DHRSX: variants seen among roughly 807,000 people sequenced by gnomAD.
DHRSX encodes the protein dehydrogenase/reductase X-linked.
Under a neutral mutation model 34.0 loss-of-function variants are expected in DHRSX, and 31 were observed. That is an observed-to-expected ratio of 0.91 (90% CI 0.69 to 1.23). The LOEUF is 1.23. Ranked by LOEUF, DHRSX falls within the 50% of genes most tolerant of loss-of-function variation. The pLI is 0.00. For synonymous variants in DHRSX, 201 were observed against 183.8 expected (o/e 1.09, Z -0.76); for missense variants, 414 against 428.1 (o/e 0.97, Z 0.29).
intron 3 of DHRSX, among the ~76,000 whole-genome samples, chrX:2,374,965 G>A (rs1221485115): frequency 7.3e-6 from 1 of 136,770 alleles, no homozygotes; most frequent in African/African-American, 2.5e-5. Context: ...AGCTACATAG[G>A]AGGCTGAGGT....
rs769908116 is a variant in DHRSX at position 2,275,062 on chromosome X, A to G, written c.389-8115T>C. On this transcript the variant is annotated intron_variant, in intron 4 of 6. Coordinates refer to ENST00000334651, the MANE Select transcript of DHRSX (RefSeq NM_145177.3). ...TGCAGAATTGAGTACTAGTTAGACA[A>G]TCGACGGCAAATTCAAATGCCTGTA... 3.9e-4 allele frequency among the ~76,000 whole-genome samples: 59 copies of G among 152,242 alleles called. No individual in the cohort carries two copies. In the South Asian group the frequency reaches 0.012, roughly 31 times the overall value.
intron 6 of DHRSX, among the ~76,000 whole-genome samples, chrX:2,234,377 CATCCATGCACACAGCCCTG>C (rs1251606872): frequency 1.3e-5 from 2 of 151,972 alleles, no homozygotes; most frequent in South Asian, 2.1e-4. Flanking sequence ...TCCCTGCCTT[CATCCATGCACACAGCCCTG>C]ATCCATGCAC....
chrX:2,443,420 AG>A (rs1174289359), intron 1 of DHRSX, among the ~76,000 whole-genome samples: 1 of 151,998 alleles, frequency 6.6e-6, no homozygotes, highest in Non-Finnish European at 1.5e-5. Flanking sequence ...AGTCCAGTCA[AG>A]GCAGCATGCA....
At chrX:2,422,133 C>A (rs1764334084) in intron 2 of DHRSX, among the ~76,000 whole-genome samples, 2 of 152,156 alleles carry the variant, frequency 1.3e-5, no homozygotes, top group South Asian at 4.1e-4. Flanking sequence ...AGAACTGAGA[C>A]AAATTCATGT....
intron 3 of DHRSX, among the ~76,000 whole-genome samples, chrX:2,392,681 T>C (rs2124622585): frequency 6.9e-6 from 1 of 145,642 alleles, no homozygotes; most frequent in Admixed American, 6.9e-5. Context: ...ATACATAAAA[T>C]TAAACATCCA....
At chrX:2,298,601 T>TACACACACACACACACACACACAC (rs747078260) in intron 3 of DHRSX, among the ~76,000 whole-genome samples, 1 of 131,758 alleles carries the variant, frequency 7.6e-6, no homozygotes, top group African/African-American at 4.1e-5. Context: ...GGCGCGTGTG[T>TACACACACACACACACACACACAC]ACACACACAC....
At chrX:2,283,555 G>A (rs1215111958) in intron 4 of DHRSX, among the ~76,000 whole-genome samples, 2 of 152,094 alleles carry the variant, frequency 1.3e-5, no homozygotes, top group Non-Finnish European at 2.9e-5. Flanking sequence ...CACAAAGACA[G>A]GAGATGGCTG....
At chrX:2,464,994 A>G (rs1393131868) in intron 1 of DHRSX, among the ~76,000 whole-genome samples, 4 of 151,512 alleles carry the variant, frequency 2.6e-5, no homozygotes, top group Non-Finnish European at 5.9e-5. Flanking sequence ...GACCCCCGCC[A>G]TGTACACACT....
chrX:2,461,569 T>C (rs1453432112), intron 1 of DHRSX, among the ~76,000 whole-genome samples: 1 of 152,164 alleles, frequency 6.6e-6, no homozygotes, highest in East Asian at 1.9e-4. Flanking sequence ...ACAGGGTGTC[T>C]CTCACTCTGG....
At chrX:2,310,976 G>A (rs1303742283) in intron 3 of DHRSX, among the ~76,000 whole-genome samples, 10 of 151,378 alleles carry the variant, frequency 6.6e-5, no homozygotes, top group South Asian at 2.1e-4. Context: ...CAGGAGAATC[G>A]CTTGAATCCG....
At chrX:2,413,124 G>A (rs1290128691) in intron 2 of DHRSX, among the ~76,000 whole-genome samples, 1 of 152,158 alleles carries the variant, frequency 6.6e-6, no homozygotes, top group African/African-American at 2.4e-5. Context: ...GAACCCAGGA[G>A]GTGGAGGTTG....
intron 1 of DHRSX, among the ~76,000 whole-genome samples, chrX:2,461,370 C>G (rs1279233905): frequency 6.6e-6 from 1 of 152,238 alleles, no homozygotes; most frequent in African/African-American, 2.4e-5. Context: ...CACCCGTCAG[C>G]CAAAAGCCAC....
At chrX:2,431,676 G>T (rs1051414963) in intron 1 of DHRSX, among the ~76,000 whole-genome samples, 5 of 152,082 alleles carry the variant, frequency 3.3e-5, no homozygotes, top group Admixed American at 6.6e-5. Context: ...AATATCAGAC[G>T]TTCTCACTTC....
chrX:2,321,184 C>T (rs2042306701), intron 3 of DHRSX, among the ~76,000 whole-genome samples: 1 of 152,136 alleles, frequency 6.6e-6, no homozygotes, highest in Non-Finnish European at 1.5e-5. Context: ...AATGTTTGCA[C>T]TGATTACAGC....
intron 1 of DHRSX, chrX:2,489,780 G>C: frequency 6.2e-7 from 1 of 1,613,372 alleles, no homozygotes; most frequent in Non-Finnish European, 8.5e-7. Context: ...TTGCGGCAGC[G>C]CGACAGCAGC....
chrX:2,490,197 C>T (rs1400897495), intron 1 of DHRSX: 1 of 1,613,994 alleles, frequency 6.2e-7, no homozygotes, highest in Non-Finnish European at 8.5e-7. Context: ...CCGTACTTCT[C>T]AGGGATGGCC....
intron 3 of DHRSX, among the ~76,000 whole-genome samples, chrX:2,388,589 A>G (rs189802459): frequency 0.053 from 7,809 of 146,512 alleles, 507 homozygotes; most frequent in African/African-American, 0.16. Context: ...ATCAATGTCT[A>G]TTGTTTCTAA....
chrX:2,425,142 G>GAAAAAA, intron 2 of DHRSX, 55 bp downstream of exon 2: 1 of 1,224,962 alleles, frequency 8.2e-7, no homozygotes, highest in Non-Finnish European at 1.2e-6. Flanking sequence ...TCCTGTCTCA[G>GAAAAAA]AAAAAAAAAA....
At chrX:2,227,416 G>A (rs2015695040) in intron 6 of DHRSX, among the ~76,000 whole-genome samples, 1 of 150,184 alleles carries the variant, frequency 6.7e-6, no homozygotes, top group Non-Finnish European at 1.5e-5. Flanking sequence ...AAGCATAATG[G>A]GAGGGAAGGA....
Sources: gnomAD v4.1 joint callset for allele counts (sites outside exome capture counted in the v4.1 genomes callset) on GRCh38, gnomAD v4.1.1 for gene constraint, MANE v1.5 for transcripts, NCBI Gene and HGNC (gene_info 2026-07-23, HGNC 2026-07-21) for gene names.